The following GRHL1 variants were observed in gnomAD, a reference collection of about 807,000 sequenced individuals.
GRHL1 encodes grainyhead like transcription factor 1.
Under a neutral mutation model 75.7 loss-of-function variants are expected in GRHL1, and 38 were observed. The ratio of observed to expected loss-of-function variants is 0.50; its 90% CI spans 0.39 to 0.66. The LOEUF is 0.66. GRHL1 is among the 30% of genes least tolerant of loss of function. The pLI is 0.00. For synonymous variants in GRHL1, 266 were observed against 279.4 expected, an observed-to-expected ratio of 0.95 and a Z score of 0.48; for missense variants, 589 against 767.5, an observed-to-expected ratio of 0.77 and a Z score of 2.75.
intron 9 of GRHL1, among the ~76,000 whole-genome samples, chr2:9,989,814 T>G (rs1461959917): frequency 6.6e-6 from 1 of 152,130 alleles, no homozygotes; most frequent in Non-Finnish European, 1.5e-5. Context: ...CCTCCCAAAA[T>G]GCTGGGATTA....
chr2:9,963,704 A>G (rs971895213), intron 5 of GRHL1, among the ~76,000 whole-genome samples, 182 bp from the exon 6 acceptor site: 3 of 152,244 alleles, frequency 2.0e-5, no homozygotes, highest in African/African-American at 7.2e-5. Context: ...ATCACATCAT[A>G]GAATTTTTAA....
chr2:9,966,037 C>A (rs1310082806), intron 8 of GRHL1: 1 of 152,214 alleles, frequency 6.6e-6, no homozygotes, highest in Non-Finnish European at 1.5e-5. Context: ...GATCCTTCTC[C>A]ACTCAATTAT....
chr2:9,986,005 A>G, intron 8 of GRHL1, 119 bp from the exon 9 acceptor site: 3 of 679,100 alleles, frequency 4.4e-6, no homozygotes, highest in South Asian at 5.7e-5. Context: ...AAAAAATGAG[A>G]AGCTGAGCTT....
Position 9,961,329 on chromosome 2 carries a change from C to A in GRHL1, c.562C>A (p.Arg188=), listed in dbSNP as rs766376962. 1 of 1,614,032 alleles carries A rather than the reference C, an allele frequency of 6.2e-7. No individual in the cohort carries two copies. The highest frequency in any genetic ancestry group is 1.3e-5 in the African/African-American group (1 of 74,904). The change falls in exon 4 of 16, where the codon CGG becomes AGG. Residue 188 remains arginine (R), a synonymous_variant. Coordinates refer to ENST00000324907, the MANE Select transcript of GRHL1 (RefSeq NM_198182.3). The part of the protein sequence containing the change: ...EPTERVVVFD[R]NLNTDQFSSG... ...CACTGAGCGGGTGGTGGTTTTCGAT[C>A]GGAATCTCAATACTGACCAGTTCAG...
intron 8 of GRHL1, among the ~76,000 whole-genome samples, chr2:9,974,714 C>CTA (rs1220265143): frequency 1.3e-5 from 2 of 152,230 alleles, no homozygotes; most frequent in African/African-American, 4.8e-5. Context: ...CACTCTGTTG[C>CTA]TACCCTGTGG....
At chr2:9,977,566 C>T (rs983730734) in intron 8 of GRHL1, among the ~76,000 whole-genome samples, 1 of 152,234 alleles carries the variant, frequency 6.6e-6, no homozygotes, top group Non-Finnish European at 1.5e-5. Context: ...AAGTGATCCG[C>T]CCGCCTCGGC....
At chr2:9,998,448 G>GTGTGTGTGTGTGTGTGTGT (rs1553306800) in intron 14 of GRHL1, among the ~76,000 whole-genome samples, 1 of 71,160 alleles carries the variant, frequency 1.4e-5, no homozygotes, top group Non-Finnish European at 2.6e-5. Flanking sequence ...GTGTGTGTGT[G>GTGTGTGTGTGTGTGTGTGT]TATATATATA....
chr2:9,953,081 C>T (rs887050154), intron 1 of GRHL1: 2 of 456,570 alleles, frequency 4.4e-6, no homozygotes, highest in East Asian at 1.4e-4. Flanking sequence ...TATTTCTTGA[C>T]GTATAGTTTA....
intron 8 of GRHL1, among the ~76,000 whole-genome samples, chr2:9,969,028 T>C (rs1453102911): frequency 6.6e-6 from 1 of 152,248 alleles, no homozygotes; most frequent in African/African-American, 2.4e-5. Context: ...CTATTTGTTC[T>C]GCAACAATTT....
chr2:9,987,754 G>A lies in GRHL1; in HGVS notation c.1269+1472G>A, dbSNP rs1668485728. 6.6e-6 allele frequency among the ~76,000 whole-genome samples: 1 copy of A among 152,202 alleles called. No individual in the cohort carries two copies. The highest frequency in any genetic ancestry group is 1.5e-5 in the Non-Finnish European group (1 of 68,048). On this transcript the variant is annotated intron_variant, in intron 9 of 15. Coordinates refer to ENST00000324907, the MANE Select transcript of GRHL1 (RefSeq NM_198182.3). This position sits in a 1 kb window ranked among gnomAD's most constrained non-coding sequence, Gnocchi z 4.2. ...AGGGAGAGTCTGGAAGGTGCGTCGA[G>A]TCTTGAGGGGAAAGTTTGTGCTGGC...
Position 9,964,357 on chromosome 2 carries a change from CA to C in GRHL1, c.1015+13del. 2 of 1,399,118 alleles carry C rather than the reference CA, an allele frequency of 1.4e-6. No homozygotes were observed. Among genetic ancestry groups the C allele is most frequent in the Non-Finnish European group, 2.0e-6 (2 of 994,012 alleles). 86.7% of individuals were successfully genotyped at this position (1,399,118 alleles called of 1,614,324 possible). A position where few individuals can be genotyped will look rare whatever the true frequency, so the allele number is the denominator to read the frequency against. On this transcript the variant is annotated intron_variant, in intron 7 of 15. Coordinates refer to ENST00000324907, the MANE Select transcript of GRHL1 (RefSeq NM_198182.3). ...GATGCATTGACATAGGTAAGCAGCT[CA>C]AGAGCCCGCTTTTATTCCCAGAGGT... is the stretch of plus-strand genomic sequence containing the variant.
intron 12 of GRHL1, 103 bp downstream of exon 12, chr2:9,993,347 C>A: frequency 1.1e-6 from 1 of 949,906 alleles, no homozygotes; most frequent in Non-Finnish European, 1.7e-6. Context: ...TTCCCTGAGC[C>A]ATCAAGGATA....
chr2:9,995,860 A>T lies in GRHL1; in HGVS notation c.1500-19A>T. ...CTGGTTAAGTTGAATCACTAACGGC[A>T]TATTTTGGATCACTGCAGCTCTGTC... On this transcript the variant is annotated intron_variant, in intron 12 of 15. Transcript: ENST00000324907. 2 of 1,462,806 alleles carry T rather than the reference A, an allele frequency of 1.4e-6. No homozygotes were observed. The highest frequency in any genetic ancestry group is 1.9e-6 in the Non-Finnish European group (2 of 1,045,168). The allele number at this position is 1,462,806 out of a possible 1,614,324, so 90.6% of individuals were successfully genotyped here.
At chr2:9,967,321 T>G (rs1276014967) in intron 8 of GRHL1, among the ~76,000 whole-genome samples, 1 of 152,256 alleles carries the variant, frequency 6.6e-6, no homozygotes, top group African/African-American at 2.4e-5. Context: ...CTTGGAGATC[T>G]TGGCCGAAAG....
intron 7 of GRHL1, 46 bp downstream of exon 7, chr2:9,964,392 C>A: frequency 9.9e-7 from 1 of 1,012,048 alleles, no homozygotes; most frequent in Non-Finnish European, 1.5e-6. Context: ...GTGCAGCCAT[C>A]CAGTTTTCTA....
intron 14 of GRHL1, 70 bp downstream of exon 14, chr2:9,996,471 A>G (rs1668865997): frequency 2.9e-6 from 3 of 1,020,408 alleles, no homozygotes; most frequent in Non-Finnish European, 4.7e-6. Flanking sequence ...TCATTGAAAC[A>G]CTTTATCAGA....
At chr2:9,973,724 G>T (rs1272983002) in intron 8 of GRHL1, among the ~76,000 whole-genome samples, 2 of 152,174 alleles carry the variant, frequency 1.3e-5, no homozygotes, top group Non-Finnish European at 2.9e-5. Flanking sequence ...TTTCCCTAGG[G>T]TTTCTACATT....
rs879727573 is a variant in GRHL1, at chr2:9,992,142, C to T, written c.1457C>T (p.Thr486Ile). The change falls in exon 11 of 16, where the codon ACT (threonine) becomes ATT (isoleucine). Residue 486 changes from threonine to isoleucine, a missense_variant. Transcript: ENST00000324907. The surrounding 1 kb of genome is among the most constrained non-coding windows in gnomAD (Gnocchi z 4.6). ...DVHFANLQRG[T>I]HVLPIASEEL... is the part of the protein sequence containing the mutation. ...CACTTTGCCAACTTGCAGCGGGGCA[C>T]TCATGTAGGTAACCAGGATCCCAGG... 1 of 1,611,778 alleles carries T rather than the reference C, an allele frequency of 6.2e-7. No homozygotes were observed. The highest frequency in any genetic ancestry group is 1.7e-5 in the Admixed American group (1 of 59,688).
At chr2:9,998,758 A>ATATATGTACACATATATATATACG (rs1553307227) in intron 14 of GRHL1, among the ~76,000 whole-genome samples, 196 of 12,340 alleles carry the variant, frequency 0.016, 14 homozygotes, top group East Asian at 0.047. Flanking sequence ...ATATATACGT[A>ATATATGTACACATATATATATACG]TATATATGTA....
Sources: allele counts gnomAD v4.1 joint callset (sites outside exome capture counted in the v4.1 genomes callset), GRCh38; gene constraint gnomAD v4.1.1; non-coding constraint Gnocchi (gnomAD v3.1); transcripts MANE v1.5; gene names NCBI Gene and HGNC (gene_info 2026-07-23, HGNC 2026-07-21).